The following HTRA3 variants were observed in gnomAD, a reference collection of about 807,000 sequenced individuals.
HTRA3 encodes the protein serine protease HTRA3.
HTRA3 carries 41 observed loss-of-function variants against 43.2 expected under a neutral mutation model. The ratio of observed to expected loss-of-function variants is 0.95; its 90% CI spans 0.74 to 1.23. The LOEUF (loss-of-function observed/expected upper bound fraction) is 1.23. HTRA3 is among the 50% of genes most tolerant of loss of function. HTRA3 has a pLI of 0.00. For missense variants in HTRA3, 628 were observed against 647.1 expected (o/e 0.97, Z 0.32); for synonymous variants, 295 against 287.9 (o/e 1.02, Z -0.25).
At chr4:8,288,929 C>CCTTCCTTT in intron 3 of HTRA3, among the ~76,000 whole-genome samples, 1 of 147,760 alleles carries the variant, frequency 6.8e-6, no homozygotes, top group Non-Finnish European at 1.5e-5. Flanking sequence ...TTCCTTCCTT[C>CCTTCCTTT]CTTCCTCCCT....
chr4:8,289,609 C>G (rs928886607), intron 3 of HTRA3, among the ~76,000 whole-genome samples: 1 of 152,242 alleles, frequency 6.6e-6, no homozygotes, highest in African/African-American at 2.4e-5. Context: ...GCCAGCAGAG[C>G]TAGTGTGATT....
Position 8,286,025 on chromosome 4 carries a change from G to A in HTRA3, c.486-536G>A, listed in dbSNP as rs1162665564. 6.6e-6 allele frequency among the ~76,000 whole-genome samples: 1 copy of A among 152,242 alleles called. No individual in the cohort carries two copies. Among genetic ancestry groups the A allele is most frequent in the African/African-American group, 2.4e-5 (1 of 41,468 alleles). ...CCTGGGTACCTGCTGCAGCCCTGCA[G>A]GATGCTGTGTGTGCAATGGGGCTTT... On this transcript the variant is annotated intron_variant, in intron 2 of 8. Transcript: ENST00000307358. This position sits in a 1 kb window ranked among gnomAD's most constrained non-coding sequence, Gnocchi z 4.9.
Position 8,295,753 on chromosome 4 carries a change from T to C in HTRA3, c.1051+1552T>C, listed in dbSNP as rs1713431233. The C allele has an allele frequency of 5.3e-6, 7 of 1,316,680 alleles. No individual in the cohort carries two copies. The highest frequency in any genetic ancestry group is 3.6e-5 in the Admixed American group (1 of 28,096). 81.6% of individuals were successfully genotyped at this position (1,316,680 alleles called of 1,614,324 possible). ...CTTCCTCACGTTTCCCCCTCCTCCA[T>C]GACCCCGTCAGCCAAGCACATGGAC... On this transcript the variant is annotated intron_variant, in intron 6 of 8. Transcript: ENST00000307358. The surrounding 1 kb of genome is among the most constrained non-coding windows in gnomAD (Gnocchi z 6.9).
At chr4:8,299,842 T>A (rs75980124) in intron 6 of HTRA3, among the ~76,000 whole-genome samples, 2,800 of 29,822 alleles carry the variant, frequency 0.094, 83 homozygotes, top group African/African-American at 0.22. Context: ...TGTATTATCC[T>A]TTTTTTTTTT....
Position 8,270,144 on chromosome 4 carries a change from G to A in HTRA3, c.176G>A (p.Gly59Asp). Residue 59 changes from glycine (G) to aspartate (D), a missense_variant, in exon 1 of 9, where the codon GGC becomes GAC. Physicochemically the swap from Gly to Asp is moderately conservative, Grantham distance 94. Coordinates refer to ENST00000307358, the MANE Select transcript of HTRA3 (RefSeq NM_053044.5). ...NCCLVCAASE[G>D]EPCGGPLDSP... ...TGCCTGGTGTGCGCCGCCAGCGAGG[G>A]CGAGCCCTGTGGCGGCCCTCTGGAC... 2 of 1,545,042 alleles carry A rather than the reference G, an allele frequency of 1.3e-6. No individual in the cohort carries two copies. Among genetic ancestry groups the A allele is most frequent in the South Asian group, 2.3e-5 (2 of 85,342 alleles).
rs896342048 is a variant in HTRA3, at chr4:8,275,445, C to G, written c.385+5092C>G. On this transcript the variant is annotated intron_variant, in intron 1 of 8. Coordinates refer to ENST00000307358, the MANE Select transcript of HTRA3 (RefSeq NM_053044.5). ...CTGCCTCCTGCCCACATCACCACAG[C>G]CGCAGACCCCTGTGAAACCCCCATC... 2.6e-5 allele frequency among the ~76,000 whole-genome samples: 4 copies of G among 152,232 alleles called. No homozygotes were observed. The East Asian group carries it at 5.8e-4, about 22-fold the overall frequency.
chr4:8,270,045 CCG>C lies in HTRA3; in HGVS notation c.83_84del (p.Arg28LeufsTer117). The C allele has an allele frequency of 1.4e-6, 2 of 1,438,476 alleles. No homozygotes were observed. The highest frequency in any genetic ancestry group is 1.8e-6 in the Non-Finnish European group (2 of 1,102,212). 89.1% of individuals were successfully genotyped at this position (1,438,476 alleles called of 1,614,324 possible). A position where few individuals can be genotyped will look rare whatever the true frequency, so the allele number is the denominator to read the frequency against. The stretch of plus-strand genomic sequence containing the variant: ...CGGGAGCCCCCTGCGGCGCCGTGTC[CCG>C]CGCGCTGCGACGTGTCGCGGTGTCC... On this transcript the variant is annotated frameshift_variant, in exon 1 of 9. Transcript: ENST00000307358. LOFTEE classifies it high-confidence loss of function.
intron 8 of HTRA3, 81 bp from the exon 9 acceptor site, chr4:8,305,890 C>T (rs893100843): frequency 3.4e-5 from 51 of 1,494,054 alleles, no homozygotes; most frequent in Non-Finnish European, 4.7e-5. Flanking sequence ...TTGACCCTGA[C>T]TGTGCCTCGC....
chr4:8,272,800 C>T (rs377549068), intron 1 of HTRA3, among the ~76,000 whole-genome samples: 78 of 152,304 alleles, frequency 5.1e-4, no homozygotes, highest in African/African-American at 1.6e-3. Context: ...CCAGAGCCCA[C>T]GGAGCCAGGT....
chr4:8,287,685 C>G (rs2153005462), intron 3 of HTRA3, among the ~76,000 whole-genome samples: 1 of 152,300 alleles, frequency 6.6e-6, no homozygotes, highest in Admixed American at 6.5e-5. Flanking sequence ...CGTCCCCCAA[C>G]ACATGGGGAT....
chr4:8,273,367 G>A (rs1034188675), intron 1 of HTRA3, among the ~76,000 whole-genome samples: 12 of 152,188 alleles, frequency 7.9e-5, no homozygotes, highest in Middle Eastern at 3.2e-3. Context: ...TGTGCCAGGC[G>A]CTGCCGGGCA....
intron 6 of HTRA3, among the ~76,000 whole-genome samples, chr4:8,299,735 T>C (rs778233504): frequency 4.6e-5 from 7 of 152,210 alleles, no homozygotes; most frequent in Non-Finnish European, 8.8e-5. Flanking sequence ...GGTGTTCCTT[T>C]CTAGTCTGTT....
At chr4:8,294,323 T>C in intron 6 of HTRA3, 122 bp downstream of exon 6, 1 of 667,780 alleles carries the variant, frequency 1.5e-6, no homozygotes, top group Non-Finnish European at 2.6e-6. Flanking sequence ...TGCTCACTAC[T>C]GGACAGGTCC....
chr4:8,284,518 C>A (rs567673002), intron 2 of HTRA3, among the ~76,000 whole-genome samples: 1 of 152,348 alleles, frequency 6.6e-6, no homozygotes, highest in East Asian at 1.9e-4. Context: ...GACCCCTGAC[C>A]TGAGGTCTGA....
Position 8,272,343 on chromosome 4 carries a change from G to C in HTRA3, c.385+1990G>C, listed in dbSNP as rs1033906221. Among the ~76,000 whole-genome samples, 27 of 152,192 alleles carry C rather than the reference G, an allele frequency of 1.8e-4. 1 individual carries two copies. Among genetic ancestry groups the C allele is most frequent in the Admixed American group, 2.6e-4 (4 of 15,280 alleles). ...GGGGACAGAAGGGAGGAGGAAAATA[G>C]TCTTATCCCCAGAGACAGGTGCATG... On this transcript the variant is annotated intron_variant, in intron 1 of 8. Transcript: ENST00000307358.
chr4:8,301,168 T>TG (rs1713640890), intron 6 of HTRA3, among the ~76,000 whole-genome samples: 1 of 130,494 alleles, frequency 7.7e-6, no homozygotes, highest in Non-Finnish European at 1.7e-5. Flanking sequence ...GACTCACACT[T>TG]TATTATTCAC....
rs1180800496 is a variant in HTRA3, at chr4:8,295,868, G to A, written c.1051+1667G>A. 5 of 1,235,186 alleles carry A rather than the reference G, an allele frequency of 4.0e-6. No homozygotes were observed. The highest frequency in any genetic ancestry group is 5.1e-6 in the Non-Finnish European group (5 of 988,696). 76.5% of individuals were successfully genotyped at this position (1,235,186 alleles called of 1,614,324 possible). ...GCCATTGTTCTTCTGTGTCCATTAT[G>A]GGAAGACAATCTGGAGCCAGGCAGA... On this transcript the variant is annotated intron_variant, in intron 6 of 8. Transcript: ENST00000307358. This position sits in a 1 kb window ranked among gnomAD's most constrained non-coding sequence, Gnocchi z 6.9.
At chr4:8,271,560 T>C (rs1224307331) in intron 1 of HTRA3, among the ~76,000 whole-genome samples, 3 of 152,150 alleles carry the variant, frequency 2.0e-5, no homozygotes, top group East Asian at 3.8e-4. Flanking sequence ...CTTGTGCTGG[T>C]ACAACGCCTG....
chr4:8,304,472 G>A (rs1315166856), intron 8 of HTRA3, among the ~76,000 whole-genome samples, 193 bp downstream of exon 8: 1 of 152,034 alleles, frequency 6.6e-6, no homozygotes, highest in Non-Finnish European at 1.5e-5. Flanking sequence ...GACTGTGTAC[G>A]TCCTAAGTCC....
Sources: gnomAD v4.1 joint callset for allele counts (sites outside exome capture counted in the v4.1 genomes callset) on GRCh38, gnomAD v4.1.1 for gene constraint, Gnocchi (gnomAD v3.1) non-coding constraint, MANE v1.5 for transcripts, NCBI Gene and HGNC (gene_info 2026-07-23, HGNC 2026-07-21) for gene names.